MYO15A: variants seen among roughly 807,000 people sequenced by gnomAD.
MYO15A encodes unconventional myosin-XV.
A neutral mutation model predicts 394.6 loss-of-function variants in MYO15A; 308 were observed. That is an observed-to-expected ratio of 0.78 (90% CI 0.71 to 0.86). MYO15A has a LOEUF of 0.86. Ranked by LOEUF, MYO15A falls within the 40% of genes least tolerant of loss-of-function variation. MYO15A has a pLI of 0.00. For synonymous variants in MYO15A, 1,957 were observed against 2,003.8 expected, an observed-to-expected ratio of 0.98 and a Z score of 0.62; for missense variants, 4,606 against 4,799.1, an observed-to-expected ratio of 0.96 and a Z score of 1.19.
rs771986838 is a variant in MYO15A, at chr17:18,142,187, C to A, written c.5758C>A (p.Arg1920=). The part of the protein sequence containing the change: ...QRCLRGFFIK[R]RFRSLRHKII... ...CTGCCTCCGTGGCTTCTTCATTAAG[C>A]GGCGATTCCGCTCTCTGCGCCACAA... The change falls in exon 24 of 66, where the codon CGG becomes AGG. Residue 1920 remains arginine (R), a synonymous_variant. Coordinates refer to ENST00000647165, the MANE Select transcript of MYO15A (RefSeq NM_016239.4). 6.2e-7 allele frequency: 1 copy of A among 1,613,774 alleles called. No homozygotes were observed. The highest frequency in any genetic ancestry group is 8.5e-7 in the Non-Finnish European group (1 of 1,180,026).
In MYO15A at chr17:18,135,712, C is replaced by T. The variant is rs760534158; in HGVS notation, c.4484C>T (p.Thr1495Met). The T allele has an allele frequency of 4.2e-5, 68 of 1,613,662 alleles. No individual in the cohort carries two copies. Among genetic ancestry groups the T allele is most frequent in the South Asian group, 6.6e-5 (6 of 91,062 alleles). Reference sequence around the variant, plus strand: ...CATTCCTGTTGGTATTTTGCATAGACGGATGCACAGGAGGTGGCCTCAGTG... The same window carrying T: ...CATTCCTGTTGGTATTTTGCATAGATGGATGCACAGGAGGTGGCCTCAGTG... ...LGNVYFEKYE[T>M]DAQEVASVVS... Residue 1495 changes from threonine (T) to methionine (M), a missense_variant and splice_region_variant, in exon 13 of 66, where the codon ACG becomes ATG. Thr to Met is a moderately conservative substitution (Grantham distance 81). Around this residue, in one of 2 missense-constraint regions of MYO15A, gnomAD observed 2,776 missense variants for 3,109.3 expected, o/e 0.89. Coordinates refer to ENST00000647165, the MANE Select transcript of MYO15A (RefSeq NM_016239.4).
intron 60 of MYO15A, 89 bp downstream of exon 60, chr17:18,163,927 C>A (rs980763627): frequency 7.4e-7 from 1 of 1,352,192 alleles, no homozygotes; most frequent in Non-Finnish European, 1.0e-6. Flanking sequence ...TTTTAGGGCC[C>A]AAGTCAGGTG....
At position 18,116,175 on chromosome 17, in the gene MYO15A, G is replaced by A. The variant is rs145382106; in HGVS notation, c.-219-2407G>A. ...ACTGAGGAATCCAGGTTGGGGTAGC[G>A]GTGGGCAAGCACTGGAGAGGCCTTG... On this transcript the variant is annotated intron_variant, in intron 1 of 65. Coordinates refer to ENST00000647165, the MANE Select transcript of MYO15A (RefSeq NM_016239.4). Among the ~76,000 whole-genome samples, 18 of 152,340 alleles carry A rather than the reference G, an allele frequency of 1.2e-4. No homozygotes were observed. The East Asian group carries it at 2.9e-3, about 25-fold the overall frequency.
chr17:18,136,777 G>T (rs1029924738), intron 15 of MYO15A, 91 bp downstream of exon 15: 1 of 1,502,988 alleles, frequency 6.7e-7, no homozygotes, highest in Non-Finnish European at 8.9e-7. Context: ...ATCCCTTTCT[G>T]TGCCTGCAGC....
Position 18,153,911 on chromosome 17 carries a change from C to G in MYO15A, c.8088+15C>G. On this transcript the variant is annotated intron_variant, in intron 43 of 65. Transcript: ENST00000647165. The surrounding 1 kb of genome is among the most constrained non-coding windows in gnomAD (Gnocchi z 4.1). ...TGCGCAAAGAGGTGCCGAGCACAGC[C>G]GTAGCCAGGGGAGGGGCTGAAGCGG... is the stretch of plus-strand genomic sequence containing the variant. 2 of 1,613,388 alleles carry G rather than the reference C, an allele frequency of 1.2e-6. No homozygotes were observed. Among genetic ancestry groups the G allele is most frequent in the Non-Finnish European group, 1.7e-6 (2 of 1,179,966 alleles).
intron 7 of MYO15A, 86 bp from the exon 8 acceptor site, chr17:18,130,719 C>CA: frequency 6.2e-7 from 1 of 1,608,902 alleles, no homozygotes; most frequent in Admixed American, 1.7e-5. Flanking sequence ...CTCCTAGTCT[C>CA]CTGGAGAGAG....
In MYO15A at chr17:18,144,515, C is replaced by T. The variant is rs1224303272; in HGVS notation, c.6196C>T (p.Leu2066=). The T allele has an allele frequency of 6.2e-7, 1 of 1,613,412 alleles. No homozygotes were observed. The change falls in exon 29 of 66, where the codon CTG becomes TTG. Residue 2066 remains leucine (L), a synonymous_variant. Coordinates refer to ENST00000647165, the MANE Select transcript of MYO15A (RefSeq NM_016239.4). Reference sequence around the variant, plus strand: ...GTCTTAGGAACCTGCCTTTGGGATGCTGACAGTGCCCCTGAGGACACCCCT... The same window carrying T: ...GTCTTAGGAACCTGCCTTTGGGATGTTGACAGTGCCCCTGAGGACACCCCT... ...CHFKEPAFGM[L]TVPLRTPLTQ...
Position 18,154,186 on chromosome 17 carries a change from G to A in MYO15A, c.8144G>A (p.Arg2715Gln), listed in dbSNP as rs753128531. 9 of 1,613,860 alleles carry A rather than the reference G, an allele frequency of 5.6e-6. No homozygotes were observed. The highest frequency in any genetic ancestry group is 4.0e-5 in the African/African-American group (3 of 74,944). The change falls in exon 44 of 66, where the codon CGG becomes CAG. Residue 2715 changes from arginine (R) to glutamine (Q), a missense_variant. By Grantham distance (43) the Arg-to-Gln change is conservative. Around this residue, in one of 2 missense-constraint regions of MYO15A, gnomAD observed 2,776 missense variants for 3,109.3 expected, o/e 0.89. Transcript: ENST00000647165. ...SHPVQLDLLF[R>Q]QILHDTLSEA... Reference sequence around the variant, plus strand: ...CCTGTGCAGCTTGACCTCCTGTTCCGGCAGGTGAGGTCCTGTCTCCCCTTT... The same window carrying A: ...CCTGTGCAGCTTGACCTCCTGTTCCAGCAGGTGAGGTCCTGTCTCCCCTTT...
intron 1 of MYO15A, among the ~76,000 whole-genome samples, chr17:18,111,124 G>C (rs1287411915): frequency 6.6e-6 from 1 of 152,148 alleles, no homozygotes; most frequent in Non-Finnish European, 1.5e-5. Context: ...ATATTGCCCG[G>C]GGGCAAGGAG....
At chr17:18,141,241 C>T (rs2046374139) in intron 22 of MYO15A, 98 bp downstream of exon 22, 1 of 1,549,898 alleles carries the variant, frequency 6.5e-7, no homozygotes, top group Admixed American at 1.7e-5. Context: ...GCTTGCCATG[C>T]ACAGTTGCTC....
At chr17:18,173,694 A>G in intron 64 of MYO15A, 87 bp from the exon 65 acceptor site, 1 of 1,465,964 alleles carries the variant, frequency 6.8e-7, no homozygotes, top group Non-Finnish European at 9.5e-7. Context: ...CCTGCCTCCT[A>G]CAGATCTGAT....
chr17:18,131,688 G>A (rs893548643), intron 10 of MYO15A, among the ~76,000 whole-genome samples, 157 bp downstream of exon 10: 3 of 151,800 alleles, frequency 2.0e-5, no homozygotes, highest in Admixed American at 6.6e-5. Flanking sequence ...TCCCCTCCCC[G>A]ACCCTCCTCC....
Position 18,138,879 on chromosome 17 carries a change from C to T in MYO15A, c.5076C>T (p.Pro1692=), listed in dbSNP as rs1186324951. ...GCGCCAACCCGCTCTATTCCAAACC[C>T]AAGATGCCGCTGCCTGAGTTCACCA... The part of the protein sequence containing the change: ...HHGANPLYSK[P]KMPLPEFTIK... Residue 1692 remains proline, a synonymous_variant, in exon 18 of 66, where the codon CCC becomes CCT. Transcript: ENST00000647165. The T allele has an allele frequency of 3.1e-6, 5 of 1,613,620 alleles. No homozygotes were observed. In the East Asian group the frequency reaches 8.9e-5, roughly 29 times the overall value.
chr17:18,160,940 T>A (rs1278214310), intron 56 of MYO15A: 2 of 382,374 alleles, frequency 5.2e-6, no homozygotes, highest in Admixed American at 3.7e-5. Context: ...CAGCTTGTCC[T>A]CCTGCTCCTC....
At position 18,155,361 on chromosome 17, in the gene MYO15A, C is replaced by T. The variant is rs1448323421; in HGVS notation, c.8388C>T (p.Gly2796=). The T allele has an allele frequency of 6.2e-7, 1 of 1,613,788 alleles. No individual in the cohort carries two copies. The highest frequency in any genetic ancestry group is 8.5e-7 in the Non-Finnish European group (1 of 1,180,022). ...GVQLLAVSHV[G]IKLLRMVKGG... is the part of the protein sequence containing the mutation. ...AGCTCCTAGCTGTGTCCCACGTGGG[C>T]ATCAAACTCCTGAGGATGGTCAAGG... The change falls in exon 47 of 66, where the codon GGC becomes GGT. Residue 2796 remains glycine (G), a synonymous_variant. Coordinates refer to ENST00000647165, the MANE Select transcript of MYO15A (RefSeq NM_016239.4).
In MYO15A at chr17:18,148,543, G is replaced by A; in HGVS notation, c.6739G>A (p.Val2247Met). 2 of 1,552,590 alleles carry A rather than the reference G, an allele frequency of 1.3e-6. No individual in the cohort carries two copies. The highest frequency in any genetic ancestry group is 1.7e-6 in the Non-Finnish European group (2 of 1,147,464). Residue 2247 changes from valine (V) to methionine (M), a missense_variant, in exon 32 of 66, where the codon GTG becomes ATG. Around this residue, in one of 2 missense-constraint regions of MYO15A, gnomAD observed 2,776 missense variants for 3,109.3 expected, o/e 0.89. Transcript: ENST00000647165. This position sits in a 1 kb window ranked among gnomAD's most constrained non-coding sequence, Gnocchi z 4.8. ...GCACTCCTGGAGTACGGGGGAAGAG[G>A]TGGCTGGAGACATTCTGAGGCACAG... ...PVHSWSTGEE[V>M]AGDILRHRGL... is the part of the protein sequence containing the mutation.
In MYO15A at chr17:18,153,837, A is replaced by G. The variant is rs1449919512; in HGVS notation, c.8029A>G (p.Ile2677Val). 1.2e-6 allele frequency: 2 copies of G among 1,613,598 alleles called. No homozygotes were observed. Among genetic ancestry groups the G allele is most frequent in the Non-Finnish European group, 1.7e-6 (2 of 1,179,972 alleles). The change falls in exon 43 of 66, where the codon ATC becomes GTC. Residue 2677 changes from isoleucine (I) to valine (V), a missense_variant. This residue lies in a region of MYO15A where 2,776 missense variants were observed against 3,109.3 expected (regional missense o/e 0.89). Coordinates refer to ENST00000647165, the MANE Select transcript of MYO15A (RefSeq NM_016239.4). This position sits in a 1 kb window ranked among gnomAD's most constrained non-coding sequence, Gnocchi z 4.1. ...ELTQTRLHRLINPNFYGYQDA... is the reference protein window; with the variant it reads ...ELTQTRLHRLVNPNFYGYQDA... The stretch of plus-strand genomic sequence containing the variant: ...CACGCAGACGCGGCTGCACCGCCTC[A>G]TCAATCCCAACTTCTACGGCTATCA...
At chr17:18,163,005 A>T (rs760894640) in intron 58 of MYO15A, among the ~76,000 whole-genome samples, 4 of 152,168 alleles carry the variant, frequency 2.6e-5, no homozygotes, top group Non-Finnish European at 5.9e-5. Context: ...ATGTCAAAAA[A>T]CAAAAACAAA....
intron 42 of MYO15A, among the ~76,000 whole-genome samples, chr17:18,152,738 T>C (rs548845256): frequency 1.3e-5 from 2 of 152,260 alleles, no homozygotes; most frequent in African/African-American, 4.8e-5. Flanking sequence ...CTTGGCACAT[T>C]CTGTTCCTCT....
Sources: allele counts gnomAD v4.1 joint callset (sites outside exome capture counted in the v4.1 genomes callset), GRCh38; gene constraint gnomAD v4.1.1; regional missense constraint gnomAD v4.1.1; non-coding constraint Gnocchi (gnomAD v3.1); transcripts MANE v1.5; gene names NCBI Gene and HGNC (gene_info 2026-07-23, HGNC 2026-07-21).